Variants in ADCY2 observed in about 807,000 individuals in gnomAD.
ADCY2 encodes adenylate cyclase 2.
A neutral mutation model predicts 125.2 loss-of-function variants in ADCY2; 31 were observed. The observed-to-expected ratio is 0.25, with a 90% CI of 0.19 to 0.33. The LOEUF (loss-of-function observed/expected upper bound fraction) is 0.33, where lower values mean the gene tolerates loss of function less well. Ranked by LOEUF, ADCY2 falls within the 10% of genes least tolerant of loss-of-function variation. The pLI is 1.00. For synonymous variants in ADCY2, 512 were observed against 548.4 expected (o/e 0.93, Z 0.93); for missense variants, 904 against 1,418.2 (o/e 0.64, Z 5.82).
rs73051856 is a variant in ADCY2, at chr5:7,653,946, A to G, written c.720+27630A>G. On this transcript the variant is annotated intron_variant, in intron 4 of 24. Coordinates refer to ENST00000338316, the MANE Select transcript of ADCY2 (RefSeq NM_020546.3). Reference sequence around the variant, plus strand: ...GATTAAGAGTTCAGTTCTAGACTTCATTGTGAGGAGTTTGGTAGAAATCCC... The same window carrying G: ...GATTAAGAGTTCAGTTCTAGACTTCGTTGTGAGGAGTTTGGTAGAAATCCC... 1,471 of 402,538 alleles carry G rather than the reference A, an allele frequency of 3.7e-3. 21 individuals are homozygous for G. The highest frequency in any genetic ancestry group is 0.027 in the African/African-American group (1,320 of 48,248). 24.9% of individuals were successfully genotyped at this position (402,538 alleles called of 1,614,324 possible).
At chr5:7,632,223 A>C (rs1374213808) in intron 4 of ADCY2, among the ~76,000 whole-genome samples, 1 of 152,200 alleles carries the variant, frequency 6.6e-6, no homozygotes. Flanking sequence ...CGGCAGGTAC[A>C]GTTTGGCTCA....
chr5:7,715,510 G>A (rs532279342), intron 11 of ADCY2, among the ~76,000 whole-genome samples: 12 of 151,100 alleles, frequency 7.9e-5, no homozygotes, highest in African/African-American at 2.7e-4. Flanking sequence ...AGCTATAAAT[G>A]AGAATGTGCA....
intron 2 of ADCY2, among the ~76,000 whole-genome samples, chr5:7,470,643 T>C (rs1403869720): frequency 6.6e-6 from 1 of 150,576 alleles, no homozygotes; most frequent in African/African-American, 2.4e-5. Flanking sequence ...TATGTGTGTG[T>C]GTGTGTGTGT....
intron 2 of ADCY2, among the ~76,000 whole-genome samples, chr5:7,510,956 AAC>A (rs1407212205): frequency 5.9e-5 from 9 of 152,342 alleles, no homozygotes; most frequent in African/African-American, 2.2e-4. Flanking sequence ...CTAGGGAATT[AAC>A]ACGTGTGTGC....
intron 2 of ADCY2, among the ~76,000 whole-genome samples, chr5:7,421,647 T>C (rs1740208545): frequency 6.6e-6 from 1 of 152,204 alleles, no homozygotes. Flanking sequence ...TGACAACGGT[T>C]CCCTAAGTGG....
intron 3 of ADCY2, among the ~76,000 whole-genome samples, chr5:7,545,056 T>C (rs1175564023): frequency 6.6e-6 from 1 of 151,998 alleles, no homozygotes; most frequent in African/African-American, 2.4e-5. Context: ...AGGAGCAAGA[T>C]GGGAGCCGTA....
intron 3 of ADCY2, among the ~76,000 whole-genome samples, chr5:7,607,523 C>CT (rs1737418598): frequency 6.6e-6 from 1 of 152,234 alleles, no homozygotes; most frequent in Non-Finnish European, 1.5e-5. Context: ...GCACAGCCTG[C>CT]TGCACCCCTG....
chr5:7,781,076 C>G (rs766358536), intron 18 of ADCY2, among the ~76,000 whole-genome samples: 35 of 152,138 alleles, frequency 2.3e-4, no homozygotes, highest in Non-Finnish European at 3.8e-4. Flanking sequence ...TAGTTAGAAA[C>G]TTTCTGTTAT....
At chr5:7,410,785 T>G (rs865935063) in intron 1 of ADCY2, among the ~76,000 whole-genome samples, 4 of 152,114 alleles carry the variant, frequency 2.6e-5, no homozygotes. Context: ...AATATTTAAT[T>G]GAGATTGATG....
At chr5:7,445,334 C>T (rs1741201768) in intron 2 of ADCY2, among the ~76,000 whole-genome samples, 1 of 152,210 alleles carries the variant, frequency 6.6e-6, no homozygotes, top group Non-Finnish European at 1.5e-5. Context: ...GAAGGTCACC[C>T]TGCTTTCCTG....
intron 4 of ADCY2, among the ~76,000 whole-genome samples, chr5:7,682,781 T>G (rs1740383929): frequency 6.6e-6 from 1 of 152,236 alleles, no homozygotes; most frequent in Non-Finnish European, 1.5e-5. Flanking sequence ...GGAACCGGAC[T>G]GGCTGATTAA....
chr5:7,538,272 T>C (rs563975576), intron 3 of ADCY2, among the ~76,000 whole-genome samples: 1 of 152,290 alleles, frequency 6.6e-6, no homozygotes, highest in East Asian at 1.9e-4. Context: ...AGACTTGAGC[T>C]CCAATCCCAG....
rs574219771 is a variant in ADCY2, at chr5:7,535,347, C to A, written c.570+14448C>A. On this transcript the variant is annotated intron_variant, in intron 3 of 24. Coordinates refer to ENST00000338316, the MANE Select transcript of ADCY2 (RefSeq NM_020546.3). ...AACAGTTTTATTTGCAGTGAGTACA[C>A]ATAGTATTAAATGGATGCATGATTG... Among the ~76,000 whole-genome samples the A allele has an allele frequency of 2.0e-5, 3 of 152,292 alleles. No individual in the cohort carries two copies. The East Asian group carries it at 5.8e-4, about 29-fold the overall frequency.
intron 14 of ADCY2, among the ~76,000 whole-genome samples, chr5:7,728,165 A>G (rs1040580288): frequency 6.6e-6 from 1 of 152,144 alleles, no homozygotes; most frequent in Non-Finnish European, 1.5e-5. Flanking sequence ...TGGTGCAGCC[A>G]GCCTTTGTGG....
chr5:7,655,522 A>T (rs942555339), intron 4 of ADCY2, among the ~76,000 whole-genome samples: 1 of 152,220 alleles, frequency 6.6e-6, no homozygotes, highest in African/African-American at 2.4e-5. Context: ...CAAAACAGGG[A>T]CTAATTCCTC....
At chr5:7,470,938 A>G (rs1376625491) in intron 2 of ADCY2, among the ~76,000 whole-genome samples, 3 of 151,752 alleles carry the variant, frequency 2.0e-5, no homozygotes, top group Non-Finnish European at 4.4e-5. Context: ...ATGAATTTTG[A>G]AGCTGTGTTG....
chr5:7,542,958 T>C (rs185378477), intron 3 of ADCY2, among the ~76,000 whole-genome samples: 16 of 152,352 alleles, frequency 1.1e-4, no homozygotes, highest in African/African-American at 3.8e-4. Context: ...TGTTTCTTCA[T>C]AGCATGAAAC....
In ADCY2 at chr5:7,437,075, C is replaced by G. The variant is rs574116512; in HGVS notation, c.408+22305C>G. 8.1e-4 allele frequency among the ~76,000 whole-genome samples: 123 copies of G among 152,274 alleles called. 1 individual carries two copies. Among genetic ancestry groups the G allele is most frequent in the Non-Finnish European group, 1.5e-3 (100 of 68,012 alleles). On this transcript the variant is annotated intron_variant, in intron 2 of 24. Transcript: ENST00000338316. ...GCACCAGCTGTGGGGCCCGTGCTTCCCTCCATCATGCAGAAGGTTGCAGGA... is the reference window on the plus strand; with the variant it reads ...GCACCAGCTGTGGGGCCCGTGCTTCGCTCCATCATGCAGAAGGTTGCAGGA...
At chr5:7,724,161 C>T (rs1239394745) in intron 12 of ADCY2, among the ~76,000 whole-genome samples, 1 of 141,596 alleles carries the variant, frequency 7.1e-6, no homozygotes, top group African/African-American at 2.6e-5. Flanking sequence ...GGAACTAGAT[C>T]CTTAAGGAGG....
Sources: allele counts gnomAD v4.1 joint callset (sites outside exome capture counted in the v4.1 genomes callset), GRCh38; gene constraint gnomAD v4.1.1; transcripts MANE v1.5; gene names NCBI Gene and HGNC (gene_info 2026-07-23, HGNC 2026-07-21).